ABCC6: variants seen among roughly 807,000 people sequenced by gnomAD.
ABCC6 encodes ATP-binding cassette sub-family C member 6.
In ABCC6, 126 loss-of-function variants were observed where a neutral mutation model predicts 169.5. The ratio of observed to expected loss-of-function variants is 0.74; its 90% CI spans 0.64 to 0.86. ABCC6 has a LOEUF of 0.86. Ranked by LOEUF, ABCC6 falls within the 40% of genes least tolerant of loss-of-function variation. The pLI, the probability that ABCC6 is intolerant of heterozygous loss-of-function variation, is 0.00. For missense variants in ABCC6, 1,733 were observed against 1,927.2 expected (o/e 0.90, Z 1.89); for synonymous variants, 752 against 814.7 (o/e 0.92, Z 1.31).
intron 10 of ABCC6, among the ~76,000 whole-genome samples, chr16:16,195,978 G>A (rs1036987964): frequency 6.6e-6 from 1 of 152,146 alleles, no homozygotes; most frequent in African/African-American, 2.4e-5. Flanking sequence ...GGGAGGCTGA[G>A]GTGGGCAGAT....
At position 16,219,455 on chromosome 16, in the gene ABCC6, T is replaced by C; in HGVS notation, c.474+99A>G. Reference sequence around the variant, plus strand: ...TGACTGGCTTGTGTGTGTCACTGTATAGAGAATAAGTTGTATGTGGAAACA... The same window carrying C: ...TGACTGGCTTGTGTGTGTCACTGTACAGAGAATAAGTTGTATGTGGAAACA... On this transcript the variant is annotated intron_variant, in intron 4 of 30. Coordinates refer to ENST00000205557, the MANE Select transcript of ABCC6 (RefSeq NM_001171.6). 23 of 717,898 alleles carry C rather than the reference T, an allele frequency of 3.2e-5. No homozygotes were observed. In the South Asian group the frequency reaches 3.6e-4, roughly 11 times the overall value. The allele number at this position is 717,898 out of a possible 1,614,324, so 44.5% of individuals were successfully genotyped here. A position where few individuals can be genotyped will look rare whatever the true frequency, so the allele number is the denominator to read the frequency against.
intron 10 of ABCC6, among the ~76,000 whole-genome samples, chr16:16,194,958 G>T (rs182306252): frequency 6.1e-4 from 93 of 152,110 alleles, no homozygotes; most frequent in Non-Finnish European, 1.2e-3. Context: ...GATATTACAG[G>T]TTTGAGCCAC....
chr16:16,222,576 T>C (rs993407067), intron 1 of ABCC6, among the ~76,000 whole-genome samples: 1 of 151,686 alleles, frequency 6.6e-6, no homozygotes, highest in African/African-American at 2.4e-5. Context: ...TTTGTAGAGA[T>C]GGGGGTCTCT....
Position 16,154,975 on chromosome 16 carries a change from C to T in ABCC6, c.3939G>A (p.Leu1313=), listed in dbSNP as rs371122759. Residue 1313 remains leucine (L), a synonymous_variant, in exon 28 of 31, where the codon CTG becomes CTA. Transcript: ENST00000205557. ...CACCCTCAGCTGCCTCCTGGAGCCG[C>T]AGCAGCCCACTGGCCAGGGAGGACT... ...AGKSSLASGL[L]RLQEAAEGGI... The T allele has an allele frequency of 4.0e-5, 63 of 1,576,372 alleles. 1 individual carries two copies. Among genetic ancestry groups the T allele is most frequent in the Non-Finnish European group, 5.3e-5 (61 of 1,161,396 alleles).
At chr16:16,181,846 T>C (rs1039160137) in intron 17 of ABCC6, 2 of 160,678 alleles carry the variant, frequency 1.2e-5, no homozygotes, top group African/African-American at 4.8e-5. Flanking sequence ...GGTGTGAGAA[T>C]TGCTTGAACG....
intron 26 of ABCC6, among the ~76,000 whole-genome samples, chr16:16,158,576 T>C (rs1596597804): frequency 6.6e-6 from 1 of 152,378 alleles, no homozygotes; most frequent in Non-Finnish European, 1.5e-5. Flanking sequence ...GTTCTGTTAC[T>C]GTAATGTTAC....
At chr16:16,215,129 G>T (rs2048811717) in intron 4 of ABCC6, among the ~76,000 whole-genome samples, 1 of 152,158 alleles carries the variant, frequency 6.6e-6, no homozygotes, top group Non-Finnish European at 1.5e-5. Context: ...CTTGGCCAGG[G>T]TTCTCTGTTT....
At chr16:16,164,550 T>C (rs2046820203) in intron 23 of ABCC6, among the ~76,000 whole-genome samples, 1 of 152,210 alleles carries the variant, frequency 6.6e-6, no homozygotes, top group Non-Finnish European at 1.5e-5. Context: ...CTGGGATTAA[T>C]ATATGACTAC....
Position 16,203,508 on chromosome 16 carries a change from C to G in ABCC6, c.900G>C (p.Leu300=). Residue 300 remains leucine, a synonymous_variant, in exon 8 of 31, where the codon CTG becomes CTC. Transcript: ENST00000205557. ...AATGGAACACCTGCCAGATGGCCTTCAGCAGTGGGCGCCACTGGCTCCCTT... is the reference window on the plus strand; with the variant it reads ...AATGGAACACCTGCCAGATGGCCTTGAGCAGTGGGCGCCACTGGCTCCCTT... ...RQEGSQWRPL[L]KAIWQVFHST... 2 of 1,613,982 alleles carry G rather than the reference C, an allele frequency of 1.2e-6. No homozygotes were observed. The highest frequency in any genetic ancestry group is 2.2e-5 in the East Asian group (1 of 44,886).
intron 13 of ABCC6, 24 bp downstream of exon 13, chr16:16,188,807 C>T (rs1341784525): frequency 9.3e-6 from 15 of 1,609,000 alleles, no homozygotes; most frequent in Non-Finnish European, 1.2e-5. Flanking sequence ...CCCAGGATGG[C>T]TCCAGCCCTT....
intron 11 of ABCC6, 42 bp downstream of exon 11, chr16:16,192,788 C>T (rs2047905833): frequency 1.3e-6 from 2 of 1,568,960 alleles, no homozygotes; most frequent in African/African-American, 2.7e-5. Context: ...GTGGCTTCCT[C>T]CCTACTTCCT....
At chr16:16,196,516 G>A (rs1251265590) in intron 10 of ABCC6, among the ~76,000 whole-genome samples, 1 of 152,052 alleles carries the variant, frequency 6.6e-6, no homozygotes, top group African/African-American at 2.4e-5. Flanking sequence ...TCTACATATG[G>A]GCTCGTTTAA....
intron 4 of ABCC6, among the ~76,000 whole-genome samples, chr16:16,217,457 C>T (rs1300756256): frequency 2.0e-5 from 3 of 152,224 alleles, no homozygotes; most frequent in Non-Finnish European, 2.9e-5. Flanking sequence ...AGCCTGTAAT[C>T]CCAGCACTTT....
chr16:16,159,727 G>T, intron 25 of ABCC6, 144 bp from the exon 26 acceptor site: 1 of 727,662 alleles, frequency 1.4e-6, no homozygotes. Flanking sequence ...CTGAGGACCT[G>T]GGCCCAGGGG....
chr16:16,171,095 C>T (rs572951050), intron 21 of ABCC6, among the ~76,000 whole-genome samples: 8 of 152,142 alleles, frequency 5.3e-5, no homozygotes, highest in East Asian at 1.9e-4. Context: ...CTGCCTGGAG[C>T]GCTCTTTCTC....
Position 16,163,194 on chromosome 16 carries a change from T to G in ABCC6, c.3307-2A>C, listed in dbSNP as rs1167145612. 1.9e-6 allele frequency: 3 copies of G among 1,612,922 alleles called. No individual in the cohort carries two copies. The Admixed American group carries it at 5.0e-5, about 27-fold the overall frequency. ...GCATGAGCTAACCACATACAGGCTC[T>G]GAGAAGGATGGATGGGAGAGGGAAG... On this transcript the variant is annotated splice_acceptor_variant, in intron 23 of 30. Coordinates refer to ENST00000205557, the MANE Select transcript of ABCC6 (RefSeq NM_001171.6). LOFTEE classifies it high-confidence loss of function.
In ABCC6 at chr16:16,217,438, A is replaced by G. The variant is rs193076713; in HGVS notation, c.474+2116T>C. On this transcript the variant is annotated intron_variant, in intron 4 of 30. Transcript: ENST00000205557. ...TAGAATTCATCATTGGCTGGGGCAC[A>G]TTGGCTCAAGCCTGTAATCCCAGCA... 1.8e-4 allele frequency among the ~76,000 whole-genome samples: 27 copies of G among 152,310 alleles called. No individual in the cohort carries two copies. The East Asian group carries it at 5.0e-3, about 28-fold the overall frequency.
chr16:16,220,722 CCT>C (rs1236228024), intron 2 of ABCC6, among the ~76,000 whole-genome samples: 3 of 151,994 alleles, frequency 2.0e-5, no homozygotes, highest in African/African-American at 4.8e-5. Context: ...ATGGCGAAAC[CCT>C]GTTTCTACTA....
chr16:16,167,718 C>T (rs1177032223), intron 22 of ABCC6, among the ~76,000 whole-genome samples: 6 of 152,230 alleles, frequency 3.9e-5, no homozygotes, highest in Non-Finnish European at 8.8e-5. Flanking sequence ...ATCCACCCGC[C>T]TCGGCCTCCC....
Sources: gnomAD v4.1 joint callset for allele counts (sites outside exome capture counted in the v4.1 genomes callset) on GRCh38, gnomAD v4.1.1 for gene constraint, MANE v1.5 for transcripts, NCBI Gene and HGNC (gene_info 2026-07-23, HGNC 2026-07-21) for gene names.